KCNA2: variants seen among roughly 807,000 people sequenced by gnomAD.
KCNA2 encodes the protein potassium voltage-gated channel subfamily A member 2.
Under a neutral mutation model 33.4 loss-of-function variants are expected in KCNA2, and 11 were observed. That is an observed-to-expected ratio of 0.33 (90% CI 0.21 to 0.55). The LOEUF (loss-of-function observed/expected upper bound fraction) is 0.55, where lower values mean the gene tolerates loss of function less well. Among genes scored for constraint, KCNA2 ranks in the 20% least tolerant of loss-of-function variants. KCNA2 has a pLI of 0.93. For missense variants in KCNA2, 291 were observed against 621.6 expected, an observed-to-expected ratio of 0.47 and a Z score of 5.66; for synonymous variants, 222 against 231.3, an observed-to-expected ratio of 0.96 and a Z score of 0.37.
At chr1:110,619,073 C>T (rs192000386) in intron 1 of KCNA2, among the ~76,000 whole-genome samples, 39 of 152,290 alleles carry the variant, frequency 2.6e-4, no homozygotes, top group Admixed American at 6.5e-4. Context: ...GGCTCTGTAC[C>T]GTCTGTCCCC....
rs1020903881 is a variant in KCNA2, at chr1:110,595,184, A to T, written c.*8099T>A. 1 of 985,456 alleles carries T rather than the reference A, an allele frequency of 1.0e-6. No homozygotes were observed. Among genetic ancestry groups the T allele is most frequent in the Middle Eastern group, 5.2e-4 (1 of 1,914 alleles). The allele number at this position is 985,456 out of a possible 1,614,324, so 61.0% of individuals were successfully genotyped here. A position where few individuals can be genotyped will look rare whatever the true frequency, so the allele number is the denominator to read the frequency against. On this transcript the variant is annotated 3_prime_UTR_variant, in exon 3 of 3. Transcript: ENST00000316361. ...GATCTAGATGTTGCAGTAGCTGTCCACATTATTACATAATCATGCCCTGTG... is the reference window on the plus strand; with the variant it reads ...GATCTAGATGTTGCAGTAGCTGTCCTCATTATTACATAATCATGCCCTGTG...
chr1:110,595,330 G>A lies in KCNA2; in HGVS notation c.*7953C>T, dbSNP rs1649049728. ...TATCCATTTCCATGCTGAGGTTCAT[G>A]AAGTACAAGAAGTAGCCATCCAGAC... On this transcript the variant is annotated 3_prime_UTR_variant, in exon 3 of 3. Transcript: ENST00000316361. 2 of 985,338 alleles carry A rather than the reference G, an allele frequency of 2.0e-6. No homozygotes were observed. The highest frequency in any genetic ancestry group is 2.4e-6 in the Non-Finnish European group (2 of 829,938). The allele number at this position is 985,338 out of a possible 1,614,324, so 61.0% of individuals were successfully genotyped here.
intron 1 of KCNA2, among the ~76,000 whole-genome samples, chr1:110,624,985 G>A (rs1244763409): frequency 6.6e-6 from 1 of 152,136 alleles, no homozygotes; most frequent in African/African-American, 2.4e-5. Context: ...GAAAAACCTT[G>A]GCATCATCCT....
chr1:110,617,075 T>C (rs920892918), intron 1 of KCNA2, among the ~76,000 whole-genome samples: 1 of 152,182 alleles, frequency 6.6e-6, no homozygotes, highest in African/African-American at 2.4e-5. Context: ...TCATGGGCAA[T>C]CTGCATGCCT....
intron 1 of KCNA2, among the ~76,000 whole-genome samples, chr1:110,625,787 A>C (rs1036631456): frequency 6.6e-6 from 1 of 152,230 alleles, no homozygotes; most frequent in Non-Finnish European, 1.5e-5. Context: ...GGGAAATGGC[A>C]ATGAACAATC....
chr1:110,600,854 A>G lies in KCNA2; in HGVS notation c.*2429T>C, dbSNP rs1410934841. ...TGTGGGTGACCAGGCACTAATGAGC[A>G]CCCTGGGCCTAGCACCCTGAGCTGG... On this transcript the variant is annotated 3_prime_UTR_variant, in exon 3 of 3. Coordinates refer to ENST00000316361, the MANE Select transcript of KCNA2 (RefSeq NM_004974.4). The G allele has an allele frequency of 1.0e-6, 1 of 985,286 alleles. No homozygotes were observed. Among genetic ancestry groups the G allele is most frequent in the Non-Finnish European group, 1.2e-6 (1 of 829,974 alleles). The allele number at this position is 985,286 out of a possible 1,614,324, so 61.0% of individuals were successfully genotyped here.
Position 110,602,252 on chromosome 1 carries a change from A to G in KCNA2, c.*1031T>C. On this transcript the variant is annotated 3_prime_UTR_variant, in exon 3 of 3. Coordinates refer to ENST00000316361, the MANE Select transcript of KCNA2 (RefSeq NM_004974.4). Reference sequence around the variant, plus strand: ...CAAATAGTCTATTTTTTTTCCCCTGATGGAGGGATTTTTGCCTTCTGATGG... The same window carrying G: ...CAAATAGTCTATTTTTTTTCCCCTGGTGGAGGGATTTTTGCCTTCTGATGG... 2 of 1,530,376 alleles carry G rather than the reference A, an allele frequency of 1.3e-6. No individual in the cohort carries two copies. The highest frequency in any genetic ancestry group is 8.8e-7 in the Non-Finnish European group (1 of 1,138,332). The allele number at this position is 1,530,376 out of a possible 1,614,324, so 94.8% of individuals were successfully genotyped here. A position where few individuals can be genotyped will look rare whatever the true frequency, so the allele number is the denominator to read the frequency against.
intron 2 of KCNA2, 104 bp from the exon 3 acceptor site, chr1:110,605,049 A>ATGGTGG (rs1230727851): frequency 2.0e-6 from 1 of 492,438 alleles, no homozygotes; most frequent in Non-Finnish European, 3.6e-6. Flanking sequence ...GTTCAGACAC[A>ATGGTGG]TGATCACCAC....
At chr1:110,620,049 A>AGAGC (rs1284269547) in intron 1 of KCNA2, among the ~76,000 whole-genome samples, 6 of 112,946 alleles carry the variant, frequency 5.3e-5, no homozygotes, top group Non-Finnish European at 9.0e-5. Context: ...AGAGAGAGCG[A>AGAGC]GAGCGAGAGA....
At chr1:110,623,390 A>C (rs992425733) in intron 1 of KCNA2, among the ~76,000 whole-genome samples, 2 of 152,188 alleles carry the variant, frequency 1.3e-5, no homozygotes, top group Non-Finnish European at 2.9e-5. Flanking sequence ...TGACCTTGTG[A>C]CCTTCGGTTA....
In KCNA2 at chr1:110,604,195, A is replaced by G; in HGVS notation, c.588T>C (p.His196=). 1 of 1,614,212 alleles carries G rather than the reference A, an allele frequency of 6.2e-7. No individual in the cohort carries two copies. Among genetic ancestry groups the G allele is most frequent in the Non-Finnish European group, 8.5e-7 (1 of 1,180,026 alleles). The change falls in exon 3 of 3, where the codon CAT becomes CAC. Residue 196 remains histidine, a synonymous_variant. Coordinates refer to ENST00000316361, the MANE Select transcript of KCNA2 (RefSeq NM_004974.4). The surrounding 1 kb of genome is among the most constrained non-coding windows in gnomAD (Gnocchi z 7.6). ...PIFRDENEDM[H]GSGVTFHTYS... is the part of the protein sequence containing the mutation. ...AGGTGTGGAAGGTCACCCCACTACC[A>G]TGCATGTCTTCATTCTCATCCCGGA...
intron 1 of KCNA2, among the ~76,000 whole-genome samples, chr1:110,628,324 G>T (rs182172660): frequency 1.3e-5 from 2 of 152,204 alleles, no homozygotes; most frequent in East Asian, 3.9e-4. Flanking sequence ...CAGCAAAGTG[G>T]GTGGGGAATG....
Position 110,602,204 on chromosome 1 carries a change from G to A in KCNA2, c.*1079C>T, listed in dbSNP as rs1025539729. ...AAGAACAGGGATAGGTAGGCTGGGG[G>A]GCCAGAAGTTTTAGTTCCATTCCAA... is the stretch of plus-strand genomic sequence containing the variant. On this transcript the variant is annotated 3_prime_UTR_variant, in exon 3 of 3. Transcript: ENST00000316361. The A allele has an allele frequency of 6.5e-6, 10 of 1,548,808 alleles. No homozygotes were observed. In the African/African-American group the frequency reaches 1.4e-4, roughly 21 times the overall value.
intron 1 of KCNA2, among the ~76,000 whole-genome samples, chr1:110,617,729 G>A (rs1650112793): frequency 6.6e-6 from 1 of 152,176 alleles, no homozygotes; most frequent in African/African-American, 2.4e-5. Context: ...GATGGGAGAG[G>A]GAGAGAGAGT....
chr1:110,604,704 C>T lies in KCNA2; in HGVS notation c.79G>A (p.Ala27Thr), dbSNP rs750618978. ...ACCCTCTCACAGCACTCGTGGTCTG[C>T]CTCTGGGTCATAGGTGTCCTGTGGG... is the stretch of plus-strand genomic sequence containing the variant. ...GHPQDTYDPE[A>T]DHECCERVVI... Residue 27 changes from alanine to threonine, a missense_variant, in exon 3 of 3, where the codon GCA becomes ACA. Ala to Thr is a moderately conservative substitution (Grantham distance 58). Coordinates refer to ENST00000316361, the MANE Select transcript of KCNA2 (RefSeq NM_004974.4). This position sits in a 1 kb window ranked among gnomAD's most constrained non-coding sequence, Gnocchi z 7.6. The T allele has an allele frequency of 9.5e-5, 153 of 1,614,068 alleles. 1 individual carries two copies. Among genetic ancestry groups the T allele is most frequent in the Non-Finnish European group, 3.3e-5 (39 of 1,180,046 alleles).
intron 1 of KCNA2, among the ~76,000 whole-genome samples, chr1:110,613,143 G>T (rs560118210): frequency 6.6e-6 from 1 of 152,140 alleles, no homozygotes; most frequent in East Asian, 1.9e-4. Context: ...CAGCCCCCTG[G>T]CCAGAATGCC....
In KCNA2 at chr1:110,596,615, C is replaced by T; in HGVS notation, c.*6668G>A. 2 of 458,422 alleles carry T rather than the reference C, an allele frequency of 4.4e-6. No individual in the cohort carries two copies. The highest frequency in any genetic ancestry group is 5.7e-6 in the Non-Finnish European group (2 of 348,566). The allele number at this position is 458,422 out of a possible 1,614,324, so 28.4% of individuals were successfully genotyped here. A position where few individuals can be genotyped will look rare whatever the true frequency, so the allele number is the denominator to read the frequency against. Reference sequence around the variant, plus strand: ...TAAGCATTGAGGTTTACAATGTTGACCCTGAGCAAGGCAAGGTCCCTGTTA... The same window carrying T: ...TAAGCATTGAGGTTTACAATGTTGATCCTGAGCAAGGCAAGGTCCCTGTTA... On this transcript the variant is annotated 3_prime_UTR_variant, in exon 3 of 3. Transcript: ENST00000316361.
At position 110,596,597 on chromosome 1, in the gene KCNA2, T is replaced by G; in HGVS notation, c.*6686A>C. Reference sequence around the variant, plus strand: ...ATGTCCACTACTGTACAATAAGCATTGAGGTTTACAATGTTGACCCTGAGC... The same window carrying G: ...ATGTCCACTACTGTACAATAAGCATGGAGGTTTACAATGTTGACCCTGAGC... On this transcript the variant is annotated 3_prime_UTR_variant, in exon 3 of 3. Transcript: ENST00000316361. The G allele has an allele frequency of 6.4e-6, 2 of 313,512 alleles. No homozygotes were observed. The highest frequency in any genetic ancestry group is 9.3e-6 in the Non-Finnish European group (2 of 215,942). The allele number at this position is 313,512 out of a possible 1,614,324, so 19.4% of individuals were successfully genotyped here. A position where few individuals can be genotyped will look rare whatever the true frequency, so the allele number is the denominator to read the frequency against.
rs1301731975 is a variant in KCNA2 at position 110,602,721 on chromosome 1, C to G, written c.*562G>C. 11 of 992,654 alleles carry G rather than the reference C, an allele frequency of 1.1e-5. No individual in the cohort carries two copies. The highest frequency in any genetic ancestry group is 1.3e-5 in the Non-Finnish European group (11 of 834,826). 61.5% of individuals were successfully genotyped at this position (992,654 alleles called of 1,614,324 possible). A position where few individuals can be genotyped will look rare whatever the true frequency, so the allele number is the denominator to read the frequency against. On this transcript the variant is annotated 3_prime_UTR_variant, in exon 3 of 3. Coordinates refer to ENST00000316361, the MANE Select transcript of KCNA2 (RefSeq NM_004974.4). ...AGCATTTTCCGTTATGAAACACAAG[C>G]CTCCAGAGCATCTACTTGGCAACTG...
Sources: allele counts gnomAD v4.1 joint callset (sites outside exome capture counted in the v4.1 genomes callset), GRCh38; gene constraint gnomAD v4.1.1; non-coding constraint Gnocchi (gnomAD v3.1); transcripts MANE v1.5; gene names NCBI Gene and HGNC (gene_info 2026-07-23, HGNC 2026-07-21).